The following GRM1 variants were observed in gnomAD, a reference collection of about 807,000 sequenced individuals.
GRM1 encodes glutamate metabotropic receptor 1, also known as metabotropic glutamate receptor 1.
A neutral mutation model predicts 90.9 loss-of-function variants in GRM1; 33 were observed. That is an observed-to-expected ratio of 0.36 (90% CI 0.28 to 0.49). The LOEUF (loss-of-function observed/expected upper bound fraction) is 0.49, where lower values mean the gene tolerates loss of function less well. GRM1 is among the 20% of genes least tolerant of loss of function. The pLI, the probability that GRM1 is intolerant of heterozygous loss-of-function variation, is 0.99. For synonymous variants in GRM1, 700 were observed against 613.2 expected, an observed-to-expected ratio of 1.14 and a Z score of -2.09; for missense variants, 1,190 against 1,534.3, an observed-to-expected ratio of 0.78 and a Z score of 3.75.
rs369246791 is a variant in GRM1, at chr6:146,352,232, C to G, written c.1187-18C>G. ...TTATCATTGTGACCTTGGTAGTGAT[C>G]TATTTTTATTGTTACAGGCAATGAA... On this transcript the variant is annotated intron_variant, in intron 3 of 7. Coordinates refer to ENST00000282753, the MANE Select transcript of GRM1 (RefSeq NM_001278064.2). 9 of 1,612,186 alleles carry G rather than the reference C, an allele frequency of 5.6e-6. No individual in the cohort carries two copies. Among genetic ancestry groups the G allele is most frequent in the African/African-American group, 1.3e-5 (1 of 74,908 alleles).
rs143945572 is a variant in GRM1 at position 146,265,403 on chromosome 6, G to A, written c.951-39208G>A. Among the ~76,000 whole-genome samples, 670 of 152,250 alleles carry A rather than the reference G, an allele frequency of 4.4e-3. 2 individuals carry two copies. The highest frequency in any genetic ancestry group is 6.9e-3 in the Non-Finnish European group (471 of 68,010). The stretch of plus-strand genomic sequence containing the variant: ...TTTGATTTTTCTTGATGAGTTGTTT[G>A]AGTTCCTTGTAGATTCTGAATATTA... On this transcript the variant is annotated intron_variant, in intron 2 of 7. Coordinates refer to ENST00000282753, the MANE Select transcript of GRM1 (RefSeq NM_001278064.2).
intron 1 of GRM1, among the ~76,000 whole-genome samples, chr6:146,138,965 G>C (rs994503450): frequency 5.3e-5 from 8 of 151,152 alleles, no homozygotes; most frequent in African/African-American, 1.9e-4. Context: ...CACTTACAGC[G>C]CTAAAATTTC....
At position 146,399,502 on chromosome 6, in the gene GRM1, C is replaced by T. The variant is rs1252648051; in HGVS notation, c.2463C>T (p.Leu821=). The T allele has an allele frequency of 1.2e-6, 2 of 1,614,110 alleles. No homozygotes were observed. Among genetic ancestry groups the T allele is most frequent in the Non-Finnish European group, 1.7e-6 (2 of 1,179,976 alleles). ...KIITTCFAVS[L]SVTVALGCMF... ...TCACAACTTGCTTTGCAGTGAGTCT[C>T]AGTGTAACAGTGGCTCTGGGGTGCA... The change falls in exon 7 of 8, where the codon CTC becomes CTT. Residue 821 remains leucine, a synonymous_variant. Transcript: ENST00000282753. The surrounding 1 kb of genome is among the most constrained non-coding windows in gnomAD (Gnocchi z 5.4).
chr6:146,227,053 TTATTA>T (rs1383415867), intron 2 of GRM1, among the ~76,000 whole-genome samples: 1 of 152,138 alleles, frequency 6.6e-6, no homozygotes, highest in Admixed American at 6.6e-5. Flanking sequence ...TTTATTAATT[TTATTA>T]TATCATTTCA....
rs76597896 is a variant in GRM1, at chr6:146,355,885, C to T, written c.1434-1641C>T. On this transcript the variant is annotated intron_variant, in intron 4 of 7. Transcript: ENST00000282753. ...AAGAAGAGTATGTGTTGATTAATTG[C>T]CATTTCCTTCAGTCAAGCACAAAGA... Among the ~76,000 whole-genome samples the T allele has an allele frequency of 7.2e-3, 1,102 of 152,222 alleles. 18 individuals carry two copies. Among genetic ancestry groups the T allele is most frequent in the African/African-American group, 0.026 (1,067 of 41,512 alleles).
intron 1 of GRM1, among the ~76,000 whole-genome samples, chr6:146,083,780 A>G (rs985690334): frequency 1.3e-5 from 2 of 152,116 alleles, no homozygotes; most frequent in African/African-American, 4.8e-5. Context: ...CTCCTTTTCA[A>G]TTGTTTGGAA....
At chr6:146,264,739 C>T (rs1442941674) in intron 2 of GRM1, among the ~76,000 whole-genome samples, 2 of 152,042 alleles carry the variant, frequency 1.3e-5, no homozygotes, top group Admixed American at 1.3e-4. Flanking sequence ...TCTTTATGTC[C>T]ATGTGTGCCC....
At chr6:146,204,549 A>G (rs557146719) in intron 2 of GRM1, among the ~76,000 whole-genome samples, 1 of 152,308 alleles carries the variant, frequency 6.6e-6, no homozygotes, top group Non-Finnish European at 1.5e-5. Context: ...CAGGTATCAC[A>G]TTTATAGATG....
chr6:146,146,048 T>C (rs1777082282), intron 1 of GRM1, among the ~76,000 whole-genome samples: 1 of 151,032 alleles, frequency 6.6e-6, no homozygotes, highest in Non-Finnish European at 1.5e-5. Flanking sequence ...TTCTTTTGGC[T>C]TATTTCTTTT....
chr6:146,386,591 G>T (rs551021651), intron 5 of GRM1, among the ~76,000 whole-genome samples: 192 of 151,832 alleles, frequency 1.3e-3, no homozygotes, highest in African/African-American at 3.5e-3. Context: ...ATATAAACAA[G>T]GATTAAATTA....
chr6:146,372,567 T>C (rs1775942666), intron 5 of GRM1, among the ~76,000 whole-genome samples: 2 of 152,120 alleles, frequency 1.3e-5, no homozygotes. Context: ...TGTTCCCCAA[T>C]GTTTTCTTGC....
chr6:146,154,895 G>C (rs1025739505), intron 1 of GRM1, among the ~76,000 whole-genome samples: 1 of 152,054 alleles, frequency 6.6e-6, no homozygotes, highest in Non-Finnish European at 1.5e-5. Flanking sequence ...ATTCTATTAG[G>C]TAAAAAAATA....
chr6:146,174,414 T>C (rs1778257587), intron 2 of GRM1, among the ~76,000 whole-genome samples: 1 of 152,194 alleles, frequency 6.6e-6, no homozygotes. Flanking sequence ...TAAATTTTAC[T>C]CTAGTCCATG....
intron 2 of GRM1, among the ~76,000 whole-genome samples, chr6:146,185,912 T>C (rs1218498886): frequency 6.6e-6 from 1 of 152,016 alleles, no homozygotes; most frequent in Non-Finnish European, 1.5e-5. Context: ...CACGATGAGA[T>C]ACCTTATCCA....
intron 7 of GRM1, among the ~76,000 whole-genome samples, chr6:146,431,162 G>A (rs1206570959): frequency 1.3e-5 from 2 of 152,138 alleles, no homozygotes; most frequent in Non-Finnish European, 2.9e-5. Context: ...TTCTTAATCT[G>A]ATAAATGCCC....
chr6:146,183,963 T>C (rs574139734), intron 2 of GRM1, among the ~76,000 whole-genome samples: 1 of 152,326 alleles, frequency 6.6e-6, no homozygotes, highest in African/African-American at 2.4e-5. Flanking sequence ...ACTTAGTCTG[T>C]AAATCACACT....
intron 1 of GRM1, among the ~76,000 whole-genome samples, chr6:146,092,211 G>C (rs1236431964): frequency 6.6e-6 from 1 of 152,006 alleles, no homozygotes; most frequent in Non-Finnish European, 1.5e-5. Flanking sequence ...GTAGTAGACA[G>C]CTACCTTCCC....
At chr6:146,096,966 A>G (rs1776895614) in intron 1 of GRM1, among the ~76,000 whole-genome samples, 1 of 152,028 alleles carries the variant, frequency 6.6e-6, no homozygotes, top group Non-Finnish European at 1.5e-5. Flanking sequence ...TAAAAATTTT[A>G]TGTTCTACTA....
Position 146,434,691 on chromosome 6 carries a change from G to T in GRM1, c.3480G>T (p.Ser1160=), listed in dbSNP as rs1419484327. Residue 1160 remains serine (S), a synonymous_variant, in exon 8 of 8, where the codon TCG becomes TCT. Transcript: ENST00000282753. ...GCGACTCGGTGGCCTCGGGCAGCTC[G>T]GTGCCCAGCTCCCCCGTGTCCGAGT... is the stretch of plus-strand genomic sequence containing the variant. ...PFRDSVASGS[S]VPSSPVSESV... 1.2e-6 allele frequency: 2 copies of T among 1,605,228 alleles called. No individual in the cohort carries two copies. The highest frequency in any genetic ancestry group is 2.2e-5 in the East Asian group (1 of 44,882).
Sources: allele counts gnomAD v4.1 joint callset (sites outside exome capture counted in the v4.1 genomes callset), GRCh38; gene constraint gnomAD v4.1.1; non-coding constraint Gnocchi (gnomAD v3.1); transcripts MANE v1.5; gene names NCBI Gene and HGNC (gene_info 2026-07-23, HGNC 2026-07-21).